Variants in CTBP2 observed in about 807,000 individuals in gnomAD.
The protein encoded by CTBP2 is C-terminal binding protein 2.
In CTBP2, 30 loss-of-function variants were observed where a neutral mutation model predicts 80.3. The observed-to-expected ratio is 0.37, with a 90% CI of 0.28 to 0.51. The LOEUF is 0.51. Among genes scored for constraint, CTBP2 ranks in the 20% least tolerant of loss-of-function variants. The pLI is 0.93. For missense variants in CTBP2, 1,212 were observed against 1,375.3 expected (o/e 0.88, Z 1.88); for synonymous variants, 594 against 587.4 (o/e 1.01, Z -0.16).
At chr10:125,130,129 C>A (rs1855923074) in intron 1 of CTBP2, among the ~76,000 whole-genome samples, 2 of 151,596 alleles carry the variant, frequency 1.3e-5, no homozygotes, top group Non-Finnish European at 2.9e-5. Flanking sequence ...CTCACTGCAA[C>A]CTCTGCCTCC....
chr10:125,019,284 T>C (rs1237258450), intron 1 of CTBP2, among the ~76,000 whole-genome samples: 1 of 152,162 alleles, frequency 6.6e-6, no homozygotes, highest in South Asian at 2.1e-4. Flanking sequence ...ATCGCTAACG[T>C]GGGCTAATTA....
intron 3 of CTBP2, among the ~76,000 whole-genome samples, chr10:125,033,893 C>T (rs920544653): frequency 3.3e-5 from 5 of 152,092 alleles, no homozygotes; most frequent in Non-Finnish European, 7.3e-5. Context: ...ACCAACCAGG[C>T]GGTGGGAAAC....
At chr10:125,109,164 T>G (rs1851905620) in intron 2 of CTBP2, among the ~76,000 whole-genome samples, 2 of 152,234 alleles carry the variant, frequency 1.3e-5, no homozygotes. Flanking sequence ...ATACACCAAG[T>G]TCCCACATCC....
chr10:125,089,292 T>C (rs1273679510), intron 2 of CTBP2, among the ~76,000 whole-genome samples: 2 of 152,214 alleles, frequency 1.3e-5, no homozygotes, highest in African/African-American at 4.8e-5. Flanking sequence ...CATCTGGAGA[T>C]TCTAAAGTAC....
chr10:125,134,517 A>G (rs1240318415), intron 1 of CTBP2, among the ~76,000 whole-genome samples: 6 of 152,144 alleles, frequency 3.9e-5, no homozygotes, highest in Non-Finnish European at 8.8e-5. Context: ...AGGGACCATA[A>G]TCCTACCGCT....
chr10:125,062,903 A>G (rs1233618501), intron 2 of CTBP2, among the ~76,000 whole-genome samples: 2 of 152,272 alleles, frequency 1.3e-5, no homozygotes, highest in Admixed American at 1.3e-4. Context: ...AGGGCACCCA[A>G]GGAACAACAT....
chr10:125,065,878 T>G (rs140241596), intron 2 of CTBP2, among the ~76,000 whole-genome samples: 2,196 of 152,226 alleles, frequency 0.014, 32 homozygotes, highest in Middle Eastern at 0.041. Context: ...GGTGGGCGGA[T>G]AGCTTGAGCC....
chr10:125,065,490 C>T (rs1051970206), intron 2 of CTBP2, among the ~76,000 whole-genome samples: 1 of 152,042 alleles, frequency 6.6e-6, no homozygotes, highest in Non-Finnish European at 1.5e-5. Flanking sequence ...GGCGAGGTGG[C>T]GAAGGGAAGA....
chr10:125,072,977 A>G (rs2135473664), intron 2 of CTBP2, among the ~76,000 whole-genome samples: 2 of 152,358 alleles, frequency 1.3e-5, no homozygotes, highest in South Asian at 4.1e-4. Context: ...GTTGGATGCA[A>G]TAAATAGAGA....
At chr10:125,142,903 CCGTGGTTTAGT>C (rs1434676808) in intron 1 of CTBP2, among the ~76,000 whole-genome samples, 1 of 152,154 alleles carries the variant, frequency 6.6e-6, no homozygotes, top group Admixed American at 6.5e-5. Flanking sequence ...TCGTTACCTC[CCGTGGTTTAGT>C]GGCCAGGACA....
At chr10:125,018,114 G>C (rs569716183) in intron 1 of CTBP2, among the ~76,000 whole-genome samples, 1 of 152,332 alleles carries the variant, frequency 6.6e-6, no homozygotes, top group African/African-American at 2.4e-5. Flanking sequence ...GATCATCATG[G>C]CATGGGCCAC....
At chr10:125,085,653 T>C (rs916713451) in intron 2 of CTBP2, among the ~76,000 whole-genome samples, 6 of 152,190 alleles carry the variant, frequency 3.9e-5, no homozygotes, top group Admixed American at 2.0e-4. Context: ...AATCACTCCA[T>C]GGGGAAATCT....
chr10:125,087,309 T>G (rs1848138252), intron 2 of CTBP2, among the ~76,000 whole-genome samples: 1 of 152,048 alleles, frequency 6.6e-6, no homozygotes, highest in Admixed American at 6.5e-5. Flanking sequence ...TGACCTCAGG[T>G]GATTCGCCCA....
intron 2 of CTBP2, among the ~76,000 whole-genome samples, chr10:125,095,744 T>A (rs1351390664): frequency 6.6e-6 from 1 of 152,156 alleles, no homozygotes; most frequent in South Asian, 2.1e-4. Flanking sequence ...GGCCTGGGGA[T>A]TCAGGCTGGA....
At chr10:125,090,720 A>AAGAG (rs1848644334) in intron 2 of CTBP2, among the ~76,000 whole-genome samples, 1 of 151,748 alleles carries the variant, frequency 6.6e-6, no homozygotes, top group Non-Finnish European at 1.5e-5. Context: ...CTGTGCTGGC[A>AAGAG]CTCACCCTGG....
At chr10:125,039,670 A>G (rs1444299873) in intron 2 of CTBP2, among the ~76,000 whole-genome samples, 1 of 152,152 alleles carries the variant, frequency 6.6e-6, no homozygotes, top group Admixed American at 6.5e-5. Flanking sequence ...TCAGCACAAC[A>G]CAAAACCCTG....
At chr10:124,991,734 GAGAGAATGA>G (rs1160479950) in intron 8 of CTBP2, among the ~76,000 whole-genome samples, 1 of 152,100 alleles carries the variant, frequency 6.6e-6, no homozygotes, top group African/African-American at 2.4e-5. Context: ...GGCCTCCTAC[GAGAGAATGA>G]AGAGAATGAT....
chr10:125,057,815 T>C (rs1035656825), intron 2 of CTBP2, among the ~76,000 whole-genome samples: 3 of 152,178 alleles, frequency 2.0e-5, no homozygotes, highest in African/African-American at 7.2e-5. Flanking sequence ...TAAACACTCC[T>C]TCAGTAAAAA....
chr10:125,097,020 C>A (rs1361677049), intron 2 of CTBP2, among the ~76,000 whole-genome samples: 9 of 152,180 alleles, frequency 5.9e-5, no homozygotes, highest in Admixed American at 5.9e-4. Context: ...TTTTCCCTCT[C>A]TCAGTATATA....
Sources: gnomAD v4.1 joint callset for allele counts (sites outside exome capture counted in the v4.1 genomes callset) on GRCh38, gnomAD v4.1.1 for gene constraint, MANE v1.5 for transcripts, NCBI Gene and HGNC (gene_info 2026-07-23, HGNC 2026-07-21) for gene names.